The following TTC28 variants were observed in gnomAD, a reference collection of about 807,000 sequenced individuals.
The protein encoded by TTC28 is tetratricopeptide repeat protein 28.
Under a neutral mutation model 198.0 loss-of-function variants are expected in TTC28, and 61 were observed. The observed-to-expected ratio is 0.31, with a 90% confidence interval of 0.25 to 0.38. TTC28 has a LOEUF of 0.38. TTC28 is among the 10% of genes least tolerant of loss of function. TTC28 has a pLI of 1.00. For synonymous variants in TTC28, 1,171 were observed against 1,297.8 expected (o/e 0.90, Z 2.10); for missense variants, 2,678 against 3,164.0 (o/e 0.85, Z 3.69).
At chr22:28,381,184 G>A (rs988444563) in intron 2 of TTC28, among the ~76,000 whole-genome samples, 1 of 151,588 alleles carries the variant, frequency 6.6e-6, no homozygotes, top group Non-Finnish European at 1.5e-5. Flanking sequence ...CCCAGTAGAA[G>A]GAATAGACTG....
chr22:28,182,964 C>G (rs1354106215), intron 5 of TTC28, among the ~76,000 whole-genome samples: 1 of 151,980 alleles, frequency 6.6e-6, no homozygotes, highest in Non-Finnish European at 1.5e-5. Context: ...CTTTTCTCCT[C>G]AAGCAGCCCT....
chr22:28,473,082 TAA>T (rs1286350136), intron 2 of TTC28, among the ~76,000 whole-genome samples: 1 of 151,910 alleles, frequency 6.6e-6, no homozygotes, highest in Non-Finnish European at 1.5e-5. Flanking sequence ...TCCAAAAAAA[TAA>T]AAAGAGAAGG....
At chr22:28,279,965 A>G (rs1733569174) in intron 5 of TTC28, among the ~76,000 whole-genome samples, 1 of 152,232 alleles carries the variant, frequency 6.6e-6, no homozygotes, top group Non-Finnish European at 1.5e-5. Context: ...ATTTTAAAAT[A>G]CACAGTTTTT....
chr22:28,014,409 C>A lies in TTC28; in HGVS notation c.4074-17G>T, dbSNP rs539702423. The A allele has an allele frequency of 3.2e-6, 5 of 1,542,792 alleles. No homozygotes were observed. The East Asian group carries it at 9.8e-5, about 30-fold the overall frequency. On this transcript the variant is annotated splice_polypyrimidine_tract_variant and intron_variant, in intron 13 of 22. Coordinates refer to ENST00000397906, the MANE Select transcript of TTC28 (RefSeq NM_001145418.2). ...TGGCAGCTCCTGGGGAGGGAAGGGC[C>A]GAGGGATCAATCAGGGCCACTCAGA...
intron 2 of TTC28, among the ~76,000 whole-genome samples, chr22:28,354,458 G>T (rs1390272284): frequency 6.6e-6 from 1 of 152,076 alleles, no homozygotes; most frequent in East Asian, 1.9e-4. Flanking sequence ...CCCTTATACA[G>T]GGTACCTGAA....
intron 2 of TTC28, among the ~76,000 whole-genome samples, chr22:28,424,258 T>A (rs1017226098): frequency 6.6e-6 from 1 of 152,168 alleles, no homozygotes; most frequent in Non-Finnish European, 1.5e-5. Flanking sequence ...TAAATAAATG[T>A]GTTCTATTGT....
At chr22:28,062,070 G>C (rs1339608397) in intron 12 of TTC28, among the ~76,000 whole-genome samples, 2 of 148,208 alleles carry the variant, frequency 1.3e-5, no homozygotes, top group African/African-American at 5.0e-5. Context: ...TTTTTTTTTT[G>C]AGAGTCTCCC....
At chr22:28,637,004 G>GTTTTTT (rs35849354) in intron 1 of TTC28, among the ~76,000 whole-genome samples, 2 of 97,302 alleles carry the variant, frequency 2.1e-5, no homozygotes, top group Admixed American at 1.2e-4. Flanking sequence ...CAGGTCTTCA[G>GTTTTTT]TTTTTTTTTT....
intron 12 of TTC28, among the ~76,000 whole-genome samples, chr22:28,048,692 C>T (rs1157698533): frequency 6.6e-6 from 1 of 152,134 alleles, no homozygotes; most frequent in Non-Finnish European, 1.5e-5. Flanking sequence ...CTGCTGTCAT[C>T]TAACACCAGT....
At chr22:28,335,499 C>A (rs929993656) in intron 2 of TTC28, among the ~76,000 whole-genome samples, 4 of 152,018 alleles carry the variant, frequency 2.6e-5, no homozygotes, top group Non-Finnish European at 5.9e-5. Context: ...ATAGAATGTT[C>A]TTCCATTTGT....
At chr22:28,615,874 C>A (rs1204581693) in intron 2 of TTC28, among the ~76,000 whole-genome samples, 2 of 152,076 alleles carry the variant, frequency 1.3e-5, no homozygotes, top group Non-Finnish European at 2.9e-5. Context: ...CAGCAAACCA[C>A]CATGGGATGT....
In TTC28 at chr22:27,982,389, C is replaced by T. The variant is rs6005683; in HGVS notation, c.7278G>A (p.Pro2426=). The change falls in exon 23 of 23, where the codon CCG becomes CCA. Residue 2426 remains proline (P), a synonymous_variant. Transcript: ENST00000397906. This position sits in a 1 kb window ranked among gnomAD's most constrained non-coding sequence, Gnocchi z 5.2. ...LSLQQHDGAP[P]KAPPNGHWRT... is the part of the protein sequence containing the mutation. Reference sequence around the variant, plus strand: ...GCCAGTGTCCGTTGGGAGGGGCTTTCGGTGGAGCTCCGTCATGCTGCTGCA... The same window carrying T: ...GCCAGTGTCCGTTGGGAGGGGCTTTTGGTGGAGCTCCGTCATGCTGCTGCA... 1.3e-4 allele frequency: 194 copies of T among 1,551,304 alleles called. No individual in the cohort carries two copies. Among genetic ancestry groups the T allele is most frequent in the Non-Finnish European group, 1.5e-4 (172 of 1,146,958 alleles).
At chr22:28,077,592 T>C (rs946744581) in intron 12 of TTC28, among the ~76,000 whole-genome samples, 2 of 152,230 alleles carry the variant, frequency 1.3e-5, no homozygotes, top group African/African-American at 4.8e-5. Flanking sequence ...TTGTTAATAT[T>C]TGCCGCTTGT....
At chr22:28,465,753 G>A (rs1046431145) in intron 2 of TTC28, among the ~76,000 whole-genome samples, 1 of 152,112 alleles carries the variant, frequency 6.6e-6, no homozygotes, top group African/African-American at 2.4e-5. Flanking sequence ...ACAAAGACCA[G>A]ACATCAGGAA....
At chr22:28,167,289 T>A (rs942966004) in intron 5 of TTC28, among the ~76,000 whole-genome samples, 3 of 151,992 alleles carry the variant, frequency 2.0e-5, no homozygotes, top group African/African-American at 7.3e-5. Flanking sequence ...TTCCAATCAA[T>A]AGAAAAAGAG....
intron 5 of TTC28, among the ~76,000 whole-genome samples, chr22:28,179,181 CAG>C (rs1412264279): frequency 1.4e-5 from 2 of 143,366 alleles, no homozygotes; most frequent in Admixed American, 7.0e-5. Flanking sequence ...TTTTTTTTGA[CAG>C]AGTCTTGCTC....
At chr22:28,371,966 G>C (rs1402599613) in intron 2 of TTC28, among the ~76,000 whole-genome samples, 1 of 151,644 alleles carries the variant, frequency 6.6e-6, no homozygotes, top group Non-Finnish European at 1.5e-5. Flanking sequence ...GTGTGTGCCT[G>C]TAGTCCCAGC....
chr22:28,318,069 A>AT (rs1191161038), intron 2 of TTC28, among the ~76,000 whole-genome samples: 3 of 144,604 alleles, frequency 2.1e-5, no homozygotes, highest in East Asian at 4.3e-4. Flanking sequence ...AACCCAGCTA[A>AT]TTAATTTTTT....
chr22:28,104,659 G>A (rs1390621974), intron 8 of TTC28, among the ~76,000 whole-genome samples: 2 of 152,132 alleles, frequency 1.3e-5, no homozygotes, highest in African/African-American at 4.8e-5. Flanking sequence ...TCAGTTTCTA[G>A]GCCAGCCTGG....
Sources: gnomAD v4.1 joint callset for allele counts (sites outside exome capture counted in the v4.1 genomes callset) on GRCh38, gnomAD v4.1.1 for gene constraint, Gnocchi (gnomAD v3.1) non-coding constraint, MANE v1.5 for transcripts, NCBI Gene and HGNC (gene_info 2026-07-23, HGNC 2026-07-21) for gene names.